Variants in TENM1 observed in about 807,000 individuals in gnomAD.
The protein encoded by TENM1 is teneurin-1.
In TENM1, 35 loss-of-function variants were observed where a neutral mutation model predicts 174.8. The ratio of observed to expected loss-of-function variants is 0.20; its 90% CI spans 0.15 to 0.27. The LOEUF (loss-of-function observed/expected upper bound fraction) is 0.27, where lower values mean the gene tolerates loss of function less well. TENM1 is among the 10% of genes least tolerant of loss of function. TENM1 has a pLI of 1.00. For missense variants in TENM1, 1,633 were observed against 2,130.1 expected (o/e 0.77, Z 4.59); for synonymous variants, 781 against 798.7 (o/e 0.98, Z 0.37).
chrX:124,550,152 G>A (rs758613271), intron 14 of TENM1, among the ~76,000 whole-genome samples: 8 of 111,480 alleles, frequency 7.2e-5, no homozygotes, highest in African/African-American at 2.3e-4. Flanking sequence ...TTGCCAGTTG[G>A]CTCAATTGGT....
chrX:125,016,884 G>C, the TENM1 span, among the ~76,000 whole-genome samples: 1 of 111,338 alleles, frequency 9.0e-6, no homozygotes. Context: ...CAATGGAACA[G>C]AACAGAGGCC....
chrX:124,874,926 T>C (rs1050310990), intron 3 of TENM1, among the ~76,000 whole-genome samples: 1 of 111,752 alleles, frequency 8.9e-6, no homozygotes, highest in Non-Finnish European at 1.9e-5. Context: ...GCTAATTTAT[T>C]TACAATGAAC....
chrX:124,888,128 T>C (rs1278104137), intron 3 of TENM1, among the ~76,000 whole-genome samples: 1 of 111,554 alleles, frequency 9.0e-6, no homozygotes, highest in Non-Finnish European at 1.9e-5. Flanking sequence ...GCGGTTTCCT[T>C]GAATGAATTT....
the TENM1 span, among the ~76,000 whole-genome samples, chrX:125,144,918 A>AT: frequency 5.6e-5 from 6 of 106,890 alleles, no homozygotes; most frequent in East Asian, 2.9e-4. Context: ...AATTTTTTGT[A>AT]TTTTTTTTTA....
intron 14 of TENM1, among the ~76,000 whole-genome samples, chrX:124,547,326 C>T (rs758693710): frequency 1.8e-5 from 2 of 111,545 alleles, no homozygotes; most frequent in East Asian, 5.6e-4. Flanking sequence ...CTGAATTATC[C>T]AGCATTTATC....
chrX:124,523,336 T>C (rs910641515), intron 17 of TENM1, 28 bp downstream of exon 20: 8 of 1,198,816 alleles, frequency 6.7e-6, no homozygotes, highest in Non-Finnish European at 9.0e-6. Context: ...TATTATTATT[T>C]TATACATTCA....
intron 29 of TENM1, among the ~76,000 whole-genome samples, chrX:124,385,098 C>T (rs975130400): frequency 1.8e-5 from 2 of 112,240 alleles, no homozygotes; most frequent in Non-Finnish European, 1.9e-5. Flanking sequence ...ATAGAAACTA[C>T]AGAAGTAATA....
the TENM1 span, among the ~76,000 whole-genome samples, chrX:125,108,436 T>G: frequency 8.9e-6 from 1 of 111,834 alleles, no homozygotes; most frequent in African/African-American, 3.2e-5. Flanking sequence ...TAAAAAGCTT[T>G]TTAGCCTGGA....
At chrX:124,937,388 T>C (rs2058261931) in intron 1 of TENM1, among the ~76,000 whole-genome samples, 1 of 111,710 alleles carries the variant, frequency 9.0e-6, no homozygotes, top group Non-Finnish European at 1.9e-5. Context: ...ATAAATTGTA[T>C]GTTTCCTGCT....
chrX:124,390,203 A>G (rs1023948018), intron 28 of TENM1, among the ~76,000 whole-genome samples: 1 of 112,574 alleles, frequency 8.9e-6, no homozygotes. Context: ...ATTTGATGGA[A>G]TAATCAGTGA....
At chrX:124,404,935 T>G in intron 27 of TENM1, 96 bp downstream of exon 30, 1 of 797,388 alleles carries the variant, frequency 1.3e-6, no homozygotes, top group South Asian at 2.4e-5. Flanking sequence ...GACTTCAGTT[T>G]AGGGAGGCTC....
intron 1 of TENM1, among the ~76,000 whole-genome samples, chrX:124,898,989 A>C (rs1258645505): frequency 1.8e-5 from 2 of 111,826 alleles, no homozygotes; most frequent in Admixed American, 9.5e-5. Context: ...GTAAAGCATA[A>C]AAAAAGAAAA....
intron 14 of TENM1, among the ~76,000 whole-genome samples, chrX:124,555,644 T>A (rs1380517022): frequency 1.8e-5 from 2 of 111,636 alleles, no homozygotes; most frequent in African/African-American, 6.5e-5. Context: ...AAATTTACGA[T>A]GAAACTTGGG....
At chrX:124,905,286 G>A (rs1249905394) in intron 1 of TENM1, among the ~76,000 whole-genome samples, 2 of 111,268 alleles carry the variant, frequency 1.8e-5, no homozygotes, top group African/African-American at 6.5e-5. Context: ...AGGTGACAGT[G>A]TGAGACCTCA....
At chrX:124,620,128 C>T (rs2148326281) in intron 11 of TENM1, among the ~76,000 whole-genome samples, 1 of 112,416 alleles carries the variant, frequency 8.9e-6, no homozygotes, top group South Asian at 3.7e-4. Context: ...CTTGATTTCT[C>T]TGTATATTAC....
At chrX:124,582,063 T>G (rs183129349) in intron 11 of TENM1, among the ~76,000 whole-genome samples, 67 of 110,760 alleles carry the variant, frequency 6.0e-4, no homozygotes, top group African/African-American at 2.1e-3. Context: ...TAGTCCCCAG[T>G]GTGTGTTGTT....
At chrX:125,083,197 A>T in the TENM1 span, among the ~76,000 whole-genome samples, 9 of 111,096 alleles carry the variant, frequency 8.1e-5, no homozygotes, top group African/African-American at 2.9e-4. Flanking sequence ...GAATATGTAC[A>T]CTTTTGTTCT....
In TENM1 at chrX:124,380,579, T is replaced by C. The variant is rs146419593; in HGVS notation, c.8156A>G (p.Asn2719Ser). The C allele has an allele frequency of 3.1e-4, 377 of 1,208,812 alleles. 2 individuals carry two copies. In the African/African-American group the frequency reaches 6.0e-3, roughly 19 times the overall value. ...GCTCTGTCTCATAAAGTGAATATTA[T>C]TGGCACTGTCAGAAAGTTCTAAATA... Residue 2719 changes from asparagine (N) to serine (S), a missense_variant, in exon 32 of 32, where the codon AAT (asparagine) becomes AGT (serine). This residue lies in a region of TENM1 where 807 missense variants were observed against 1,125.3 expected (regional missense o/e 0.72). Coordinates refer to ENST00000422452, the Ensembl canonical transcript of TENM1.
At chrX:125,070,507 G>A in the TENM1 span, among the ~76,000 whole-genome samples, 2 of 111,322 alleles carry the variant, frequency 1.8e-5, no homozygotes, top group Non-Finnish European at 3.8e-5. Flanking sequence ...TTAAGCAGGA[G>A]AGTGATCTTG....
Sources: gnomAD v4.1 joint callset for allele counts (sites outside exome capture counted in the v4.1 genomes callset) on GRCh38, gnomAD v4.1.1 for gene constraint, gnomAD v4.1.1 regional missense constraint, MANE v1.5 for transcripts, NCBI Gene and HGNC (gene_info 2026-07-23, HGNC 2026-07-21) for gene names.